The following CHST1 variants were observed in gnomAD, a reference collection of about 807,000 sequenced individuals.
CHST1 encodes Keratan sulfotransferase.
A neutral mutation model predicts 22.5 loss-of-function variants in CHST1; 10 were observed. The ratio of observed to expected loss-of-function variants is 0.44; its 90% CI spans 0.27 to 0.75. The LOEUF (loss-of-function observed/expected upper bound fraction) is 0.75, where lower values mean the gene tolerates loss of function less well. CHST1 is among the 30% of genes least tolerant of loss of function. The probability of loss-of-function intolerance (pLI) is 0.15; values close to 1 mark genes in which losing one functional copy is unlikely to be tolerated. For missense variants in CHST1, 439 were observed against 576.1 expected, an observed-to-expected ratio of 0.76 and a Z score of 2.44; for synonymous variants, 267 against 264.5, an observed-to-expected ratio of 1.01 and a Z score of -0.09.
intron 1 of CHST1, among the ~76,000 whole-genome samples, chr11:45,658,385 A>G (rs1288000261): frequency 6.6e-6 from 1 of 152,236 alleles, no homozygotes; most frequent in Non-Finnish European, 1.5e-5. Flanking sequence ...ATGGACTACT[A>G]AATGCACAGA....
chr11:45,658,191 G>A (rs947970718), intron 1 of CHST1, among the ~76,000 whole-genome samples: 2 of 152,210 alleles, frequency 1.3e-5, no homozygotes, highest in Admixed American at 6.5e-5. Context: ...TTATAGCTAT[G>A]AGGCCTTGCG....
Position 45,659,129 on chromosome 11 carries a change from G to T in CHST1, c.-227+6049C>A, listed in dbSNP as rs181653671. On this transcript the variant is annotated intron_variant, in intron 1 of 3. Coordinates refer to ENST00000308064, the MANE Select transcript of CHST1 (RefSeq NM_003654.6). ...ATACTCAGAGATGATCACAGACCTG[G>T]CTTCTGTCAGGGGATGCATCCCACA... Among the ~76,000 whole-genome samples, 45 of 152,292 alleles carry T rather than the reference G, an allele frequency of 3.0e-4. No homozygotes were observed. The East Asian group carries it at 8.7e-3, about 29-fold the overall frequency.
Position 45,650,594 on chromosome 11 carries a change from C to T in CHST1, c.330G>A (p.Pro110=), listed in dbSNP as rs778772255. The T allele has an allele frequency of 7.4e-6, 12 of 1,614,022 alleles. No individual in the cohort carries two copies. In the East Asian group the frequency reaches 1.1e-4, roughly 15 times the overall value. ...CGCCTAGCATGACCCGCCGGTCGGC[C>T]GGGCTCTTGCCCTGGGTGAAGCGGG... ...LIPRFTQGKS[P]ADRRVMLGAS... Residue 110 remains proline (P), a synonymous_variant, in exon 4 of 4, where the codon CCG becomes CCA. Coordinates refer to ENST00000308064, the MANE Select transcript of CHST1 (RefSeq NM_003654.6).
chr11:45,664,631 TC>T (rs1178783981), intron 1 of CHST1, among the ~76,000 whole-genome samples: 1 of 152,194 alleles, frequency 6.6e-6, no homozygotes, highest in Non-Finnish European at 1.5e-5. Context: ...GTTCCGGCTT[TC>T]CGTGGTGGGC....
chr11:45,664,867 CCT>C (rs1451913536), intron 1 of CHST1, among the ~76,000 whole-genome samples: 1 of 152,180 alleles, frequency 6.6e-6, no homozygotes, highest in African/African-American at 2.4e-5. Context: ...CGGAGCAGCC[CCT>C]GAGTGCGCTC....
intron 1 of CHST1, among the ~76,000 whole-genome samples, chr11:45,662,117 TC>T (rs1325119013): frequency 6.6e-6 from 1 of 152,166 alleles, no homozygotes; most frequent in Non-Finnish European, 1.5e-5. Context: ...CTCTGGCTGA[TC>T]AAGAGGAAGA....
rs966526324 is a variant in CHST1, at chr11:45,650,390, C to T, written c.534G>A (p.Glu178=). ...GCCCGCACTTGCGCACACAGTCCCC[C>T]TCCTCCAGGACCAGGTCGGCTGGCC... ...PPGPADLVLE[E]GDCVRKCGLL... The change falls in exon 4 of 4, where the codon GAG becomes GAA. Residue 178 remains glutamate (E), a synonymous_variant. Transcript: ENST00000308064. The T allele has an allele frequency of 6.2e-7, 1 of 1,604,636 alleles. No homozygotes were observed. The highest frequency in any genetic ancestry group is 8.5e-7 in the Non-Finnish European group (1 of 1,179,750).
intron 1 of CHST1, among the ~76,000 whole-genome samples, chr11:45,655,539 G>C (rs764927316): frequency 6.6e-6 from 1 of 152,264 alleles, no homozygotes; most frequent in Non-Finnish European, 1.5e-5. Context: ...CAGCCAGCGG[G>C]AGGTGATGTT....
rs908698135 is a variant in CHST1, at chr11:45,648,258, T to C, written c.*1430A>G. 1.1e-4 allele frequency among the ~76,000 whole-genome samples: 16 copies of C among 152,060 alleles called. No homozygotes were observed. The highest frequency in any genetic ancestry group is 3.6e-4 in the African/African-American group (15 of 41,404). Reference sequence around the variant, plus strand: ...AGACCCACCAACTAAATGGGTAACATTTAGCACAAGAAGGGATTCCAGGAT... The same window carrying C: ...AGACCCACCAACTAAATGGGTAACACTTAGCACAAGAAGGGATTCCAGGAT... On this transcript the variant is annotated 3_prime_UTR_variant, in exon 4 of 4. Coordinates refer to ENST00000308064, the MANE Select transcript of CHST1 (RefSeq NM_003654.6).
chr11:45,661,931 C>T (rs1852137805), intron 1 of CHST1, among the ~76,000 whole-genome samples: 1 of 152,182 alleles, frequency 6.6e-6, no homozygotes, highest in Non-Finnish European at 1.5e-5. Flanking sequence ...GGGCGGGGAG[C>T]CCCTCACCCT....
chr11:45,648,067 C>G lies in CHST1; in HGVS notation c.*1621G>C, dbSNP rs1336543487. On this transcript the variant is annotated 3_prime_UTR_variant, in exon 4 of 4. Coordinates refer to ENST00000308064, the MANE Select transcript of CHST1 (RefSeq NM_003654.6). ...CCTGGAGCAACCTGCTAGATTGCCA[C>G]GAAGGGAAGGGGAGGAAGCACAGCA... Among the ~76,000 whole-genome samples the G allele has an allele frequency of 6.6e-6, 1 of 152,126 alleles. No individual in the cohort carries two copies. The highest frequency in any genetic ancestry group is 1.5e-5 in the Non-Finnish European group (1 of 68,020).
At chr11:45,656,201 AT>A (rs1852060278) in intron 1 of CHST1, among the ~76,000 whole-genome samples, 1 of 152,144 alleles carries the variant, frequency 6.6e-6, no homozygotes, top group Admixed American at 6.5e-5. Context: ...AGTGCCCACA[AT>A]TTTACACACA....
intron 1 of CHST1, among the ~76,000 whole-genome samples, chr11:45,661,146 G>A (rs1250548517): frequency 2.6e-5 from 4 of 152,234 alleles, no homozygotes. Flanking sequence ...AGCGCCTCGA[G>A]TAATCTTACA....
In CHST1 at chr11:45,665,322, G is replaced by C. The variant is rs926595064; in HGVS notation, c.-371C>G. The stretch of plus-strand genomic sequence containing the variant: ...CTCCGCCTCCCGCGCCCTCCTCCTC[G>C]GCCTCCCTCCTCCCTCCTCTTCCTC... On this transcript the variant is annotated 5_prime_UTR_variant, in exon 1 of 4. Coordinates refer to ENST00000308064, the MANE Select transcript of CHST1 (RefSeq NM_003654.6). This position sits in a 1 kb window ranked among gnomAD's most constrained non-coding sequence, Gnocchi z 4.0. 6.6e-6 allele frequency: 1 copy of C among 151,928 alleles called. No homozygotes were observed. The highest frequency in any genetic ancestry group is 2.4e-5 in the African/African-American group (1 of 41,332). The allele number at this position is 151,928 out of a possible 1,614,324, so 9.4% of individuals were successfully genotyped here.
intron 1 of CHST1, among the ~76,000 whole-genome samples, chr11:45,663,478 C>T (rs1483238978): frequency 1.2e-4 from 18 of 152,154 alleles, no homozygotes. Flanking sequence ...GGAGGAAACC[C>T]CTGGCCAAAA....
intron 1 of CHST1, among the ~76,000 whole-genome samples, chr11:45,662,144 C>A (rs2120351399): frequency 6.6e-6 from 1 of 152,322 alleles, no homozygotes; most frequent in Admixed American, 6.5e-5. Context: ...GCTTCTCCAG[C>A]CAGATGAACC....
At chr11:45,659,452 C>T (rs1452302473) in intron 1 of CHST1, among the ~76,000 whole-genome samples, 1 of 152,164 alleles carries the variant, frequency 6.6e-6, no homozygotes, top group Non-Finnish European at 1.5e-5. Flanking sequence ...ACTGGTGCAT[C>T]TGATACCTAC....
chr11:45,663,951 T>A (rs763719764), intron 1 of CHST1, among the ~76,000 whole-genome samples: 1 of 152,182 alleles, frequency 6.6e-6, no homozygotes, highest in Non-Finnish European at 1.5e-5. Context: ...GTCATCATGA[T>A]GCCTGGAAGT....
Position 45,650,158 on chromosome 11 carries a change from G to A in CHST1, c.766C>T (p.Leu256Phe). 3 of 1,613,566 alleles carry A rather than the reference G, an allele frequency of 1.9e-6. No homozygotes were observed. The highest frequency in any genetic ancestry group is 8.5e-7 in the Non-Finnish European group (1 of 1,180,024). The part of the protein sequence containing the change: ...TFRDTYRLWR[L>F]WYGTGRKPYN... Reference sequence around the variant, plus strand: ...GGTTTCCTCCCGGTGCCGTACCAGAGCCGCCAGAGCCGGTACGTGTCGCGG... The same window carrying A: ...GGTTTCCTCCCGGTGCCGTACCAGAACCGCCAGAGCCGGTACGTGTCGCGG... Residue 256 changes from leucine (L) to phenylalanine (F), a missense_variant, in exon 4 of 4, where the codon CTC (leucine) becomes TTC (phenylalanine). Transcript: ENST00000308064.
Sources: allele counts gnomAD v4.1 joint callset (sites outside exome capture counted in the v4.1 genomes callset), GRCh38; gene constraint gnomAD v4.1.1; non-coding constraint Gnocchi (gnomAD v3.1); transcripts MANE v1.5; gene names NCBI Gene and HGNC (gene_info 2026-07-23, HGNC 2026-07-21).